IDO2: variants seen among roughly 807,000 people sequenced by gnomAD.
IDO2 encodes the protein indoleamine 2,3-dioxygenase 2.
IDO2 carries 46 observed loss-of-function variants against 45.1 expected under a neutral mutation model. The observed-to-expected ratio is 1.02, with a 90% CI of 0.80 to 1.30. The LOEUF (loss-of-function observed/expected upper bound fraction) is 1.30. Among genes scored for constraint, IDO2 ranks in the 50% most tolerant of loss-of-function variants. The pLI, the probability that IDO2 is intolerant of heterozygous loss-of-function variation, is 0.00. For missense variants in IDO2, 544 were observed against 491.8 expected, an observed-to-expected ratio of 1.11 and a Z score of -1.00; for synonymous variants, 218 against 184.9, an observed-to-expected ratio of 1.18 and a Z score of -1.45.
At chr8:39,951,062 C>CAAAACAAAACAAAAT (rs751936046) in intron 2 of IDO2, among the ~76,000 whole-genome samples, 1 of 151,802 alleles carries the variant, frequency 6.6e-6, no homozygotes, top group Non-Finnish European at 1.5e-5. Flanking sequence ...CAAAACAAAA[C>CAAAACAAAACAAAAT]AGCTCTCTAC....
At chr8:39,967,239 T>C (rs191993701) in intron 3 of IDO2, among the ~76,000 whole-genome samples, 201 of 152,086 alleles carry the variant, frequency 1.3e-3, no homozygotes, top group African/African-American at 4.8e-3. Flanking sequence ...AGCAGATGGG[T>C]GGAGGAAAAG....
At chr8:39,993,162 T>A (rs1049647461) in intron 8 of IDO2, among the ~76,000 whole-genome samples, 9 of 152,198 alleles carry the variant, frequency 5.9e-5, no homozygotes, top group African/African-American at 2.2e-4. Flanking sequence ...GATCTGAGCT[T>A]TCTGACTCAT....
intron 5 of IDO2, 30 bp from the exon 6 acceptor site, chr8:39,985,478 G>T (rs773414321): frequency 6.5e-7 from 1 of 1,544,294 alleles, no homozygotes; most frequent in Admixed American, 2.0e-5. Context: ...TTTCTCTCTT[G>T]GTGGTCATCA....
In IDO2 at chr8:39,975,438, A is replaced by G. The variant is rs560227859; in HGVS notation, c.196-3629A>G. The stretch of plus-strand genomic sequence containing the variant: ...TATCCTGAATATACAAAATCTTGTA[A>G]ATTGATTGGAAAAACAACCAAATAA... On this transcript the variant is annotated intron_variant, in intron 3 of 10. Transcript: ENST00000502986. Among the ~76,000 whole-genome samples the G allele has an allele frequency of 2.6e-5, 4 of 152,326 alleles. No homozygotes were observed. The South Asian group carries it at 6.2e-4, about 24-fold the overall frequency.
intron 3 of IDO2, among the ~76,000 whole-genome samples, chr8:39,974,927 A>AAAAACAAAAC (rs200763763): frequency 6.6e-6 from 1 of 151,288 alleles, no homozygotes; most frequent in Admixed American, 6.6e-5. Flanking sequence ...GACTCCGTCT[A>AAAAACAAAAC]AAAACAAAAC....
intron 3 of IDO2, among the ~76,000 whole-genome samples, chr8:39,967,181 A>G (rs1015886360): frequency 6.6e-6 from 1 of 152,150 alleles, no homozygotes; most frequent in African/African-American, 2.4e-5. Flanking sequence ...CAAATATATA[A>G]AAAAGAGAAA....
intron 2 of IDO2, among the ~76,000 whole-genome samples, chr8:39,952,761 G>T (rs772847536): frequency 6.6e-5 from 10 of 150,620 alleles, no homozygotes; most frequent in Non-Finnish European, 1.2e-4. Flanking sequence ...GCCCGGAAAT[G>T]AGGCTCTGGA....
chr8:39,957,550 T>C (rs1448337339), intron 2 of IDO2, among the ~76,000 whole-genome samples: 1 of 152,180 alleles, frequency 6.6e-6, no homozygotes, highest in Non-Finnish European at 1.5e-5. Context: ...AGTTTGAGGC[T>C]GCAATAAGCT....
intron 5 of IDO2, among the ~76,000 whole-genome samples, chr8:39,983,511 G>T (rs954027084): frequency 6.6e-6 from 1 of 152,172 alleles, no homozygotes; most frequent in Non-Finnish European, 1.5e-5. Flanking sequence ...CAGAGGCGAT[G>T]ATGGGAATCT....
At chr8:39,966,816 A>C (rs1446689965) in intron 3 of IDO2, among the ~76,000 whole-genome samples, 1 of 152,210 alleles carries the variant, frequency 6.6e-6, no homozygotes, top group Non-Finnish European at 1.5e-5. Context: ...TCGTTCATGA[A>C]TTTGAATAGA....
At chr8:39,934,658 C>T (rs1369817897) in exon 1 of IDO2, 1 of 161,854 alleles carries the variant, frequency 6.2e-6, no homozygotes, top group African/African-American at 2.4e-5. Context: ...GAAGAAGACT[C>T]ATTTTTGTCT....
In IDO2 at chr8:39,967,271, A is replaced by G. The variant is rs141062321; in HGVS notation, c.195+3568A>G. On this transcript the variant is annotated intron_variant, in intron 3 of 10. Coordinates refer to ENST00000502986, the Ensembl canonical transcript of IDO2. ...AAAGTAAAACTTCCAACATATAAGC[A>G]CAAAATTTTTAGACCTTAAGAAATA... Among the ~76,000 whole-genome samples the G allele has an allele frequency of 2.8e-4, 43 of 152,306 alleles. 2 individuals are homozygous for G. The East Asian group carries it at 8.1e-3, about 29-fold the overall frequency.
exon 8 of IDO2, chr8:39,989,770 T>C: frequency 1.9e-6 from 3 of 1,604,920 alleles, no homozygotes; most frequent in Non-Finnish European, 1.7e-6. Flanking sequence ...CAGGAGGCCC[T>C]GCTCCAAGCC....
intron 3 of IDO2, among the ~76,000 whole-genome samples, 191 bp downstream of exon 3, chr8:39,963,894 G>A (rs752720702): frequency 2.6e-5 from 4 of 152,122 alleles, no homozygotes; most frequent in Non-Finnish European, 5.9e-5. Flanking sequence ...GTTTTCCTAA[G>A]GTTTTCAGAG....
chr8:39,954,788 T>G lies in IDO2; in HGVS notation c.99+5524T>G, dbSNP rs562793470. Among the ~76,000 whole-genome samples, 351 of 151,390 alleles carry G rather than the reference T, an allele frequency of 2.3e-3. 2 individuals carry two copies. Among genetic ancestry groups the G allele is most frequent in the African/African-American group, 8.1e-3 (336 of 41,254 alleles). The stretch of plus-strand genomic sequence containing the variant: ...CTCCTGCCTCAGTCTCCTGAATAGC[T>G]GGTATTACAGGTGCGCACCACAAAG... On this transcript the variant is annotated intron_variant, in intron 2 of 10. Transcript: ENST00000502986.
rs372661438 is a variant in IDO2 at position 40,011,162 on chromosome 8, G to A, written c.720-2403G>A. ...CTGACCTCAATCGATCTCCCCGCCTGGGCCTCCCAAAGTGCTGGGATTACA... is the reference window on the plus strand; with the variant it reads ...CTGACCTCAATCGATCTCCCCGCCTAGGCCTCCCAAAGTGCTGGGATTACA... On this transcript the variant is annotated intron_variant, in intron 9 of 10. Coordinates refer to ENST00000502986, the Ensembl canonical transcript of IDO2. Among the ~76,000 whole-genome samples the A allele has an allele frequency of 1.7e-4, 26 of 152,222 alleles. No individual in the cohort carries two copies. The East Asian group carries it at 5.0e-3, about 29-fold the overall frequency.
At chr8:39,973,372 T>A (rs1039164658) in intron 3 of IDO2, among the ~76,000 whole-genome samples, 1 of 152,106 alleles carries the variant, frequency 6.6e-6, no homozygotes, top group African/African-American at 2.4e-5. Flanking sequence ...CCAGTAGCAA[T>A]GAGCAAACCC....
chr8:39,952,613 C>T (rs1228180627), intron 2 of IDO2, among the ~76,000 whole-genome samples: 1 of 152,076 alleles, frequency 6.6e-6, no homozygotes, highest in East Asian at 1.9e-4. Flanking sequence ...GTTTCATGTG[C>T]CCTACGTGTG....
intron 8 of IDO2, among the ~76,000 whole-genome samples, chr8:40,001,210 C>T (rs550767438): frequency 9.6e-5 from 14 of 146,524 alleles, no homozygotes; most frequent in East Asian, 2.0e-4. Context: ...ACTCACCATT[C>T]GTGCCTATTT....
Sources: allele counts gnomAD v4.1 joint callset (sites outside exome capture counted in the v4.1 genomes callset), GRCh38; gene constraint gnomAD v4.1.1; transcripts MANE v1.5; gene names NCBI Gene and HGNC (gene_info 2026-07-23, HGNC 2026-07-21).